Variants in ESRRB observed in about 807,000 individuals in gnomAD.
ESRRB encodes the protein steroid hormone receptor ERR2.
Under a neutral mutation model 46.0 loss-of-function variants are expected in ESRRB, and 16 were observed. That is an observed-to-expected ratio of 0.35 (90% CI 0.24 to 0.53). The LOEUF (loss-of-function observed/expected upper bound fraction) is 0.53. ESRRB is among the 20% of genes least tolerant of loss of function. The pLI is 0.93. For synonymous variants in ESRRB, 246 were observed against 259.6 expected, an observed-to-expected ratio of 0.95 and a Z score of 0.50; for missense variants, 488 against 607.4, an observed-to-expected ratio of 0.80 and a Z score of 2.07.
At chr14:76,379,795 C>G (rs12588179) in intron 1 of ESRRB, among the ~76,000 whole-genome samples, 26 of 149,886 alleles carry the variant, frequency 1.7e-4, no homozygotes, top group Non-Finnish European at 3.4e-4. Context: ...TTCCCCCAAC[C>G]CTTTTCATTT....
chr14:76,460,966 A>AC (rs2139987527), intron 2 of ESRRB, among the ~76,000 whole-genome samples: 2 of 152,044 alleles, frequency 1.3e-5, no homozygotes, highest in South Asian at 4.2e-4. Context: ...TCTGCCTCCC[A>AC]AAGTGCTGGA....
In ESRRB at chr14:76,417,944, CTTTT is replaced by C. The variant is rs869242837; in HGVS notation, c.51-21376_51-21373del. 4.4e-5 allele frequency among the ~76,000 whole-genome samples: 4 copies of C among 91,338 alleles called. No individual in the cohort carries two copies. The South Asian group carries it at 1.2e-3, about 28-fold the overall frequency. 59.9% of individuals were successfully genotyped at this position (91,338 alleles called of 152,430 possible). A position where few individuals can be genotyped will look rare whatever the true frequency, so the allele number is the denominator to read the frequency against. ...CAGAGCCAGGTGGGGCTTTTACATACTTTTTTTTTTTTTTTTTTTTTTTTGGTGG... is the reference window on the plus strand; with the variant it reads ...CAGAGCCAGGTGGGGCTTTTACATACTTTTTTTTTTTTTTTTTTTTGGTGG... On this transcript the variant is annotated intron_variant, in intron 1 of 6. Transcript: ENST00000644823.
chr14:76,477,159 A>G (rs1889616568), intron 3 of ESRRB, among the ~76,000 whole-genome samples: 1 of 152,206 alleles, frequency 6.6e-6, no homozygotes, highest in Admixed American at 6.5e-5. Context: ...ACCCCAGGCT[A>G]GGGGTGCACA....
At chr14:76,329,121 C>T (rs1022675918) in intron 1 of ESRRB, among the ~76,000 whole-genome samples, 3 of 152,092 alleles carry the variant, frequency 2.0e-5, no homozygotes, top group Admixed American at 6.5e-5. Context: ...ATTGGGTACC[C>T]GTTTGGCCAC....
Position 76,485,998 on chromosome 14 carries a change from G to T in ESRRB, c.850+3239G>T, listed in dbSNP as rs141066396. 3.8e-3 allele frequency among the ~76,000 whole-genome samples: 573 copies of T among 152,326 alleles called. 2 individuals are homozygous for T. Among genetic ancestry groups the T allele is most frequent in the African/African-American group, 0.013 (553 of 41,562 alleles). ...TTGGAACAAGGCTGACATCCAGGGG[G>T]AGCTTGGTTCACTCAGAATCCCAGC... On this transcript the variant is annotated intron_variant, in intron 5 of 6. Coordinates refer to ENST00000644823, the MANE Select transcript of ESRRB (RefSeq NM_001379180.1).
intron 1 of ESRRB, chr14:76,310,981 TCTCTCTCTCTC>T: frequency 8.3e-6 from 1 of 121,208 alleles, no homozygotes; most frequent in Non-Finnish European, 1.6e-5. Context: ...GTCCCCTTTC[TCTCTCTCTCTC>T]TCTCTCTCTC....
At chr14:76,318,253 A>C (rs1883825433) in intron 1 of ESRRB, among the ~76,000 whole-genome samples, 1 of 152,182 alleles carries the variant, frequency 6.6e-6, no homozygotes, top group Non-Finnish European at 1.5e-5. Flanking sequence ...GCAGAGTTGG[A>C]AGCGAGGAGC....
intron 1 of ESRRB, among the ~76,000 whole-genome samples, chr14:76,325,224 G>C (rs1883915311): frequency 6.6e-6 from 1 of 152,112 alleles, no homozygotes; most frequent in Non-Finnish European, 1.5e-5. Flanking sequence ...CCAAAGTGCT[G>C]GGATTACAGG....
At chr14:76,489,445 C>CCACACACACACA (rs56091857) in intron 5 of ESRRB, among the ~76,000 whole-genome samples, 30,098 of 129,328 alleles carry the variant, frequency 0.23, 3,856 homozygotes, top group Non-Finnish European at 0.25. Context: ...ATCTGGACAA[C>CCACACACACACA]CACACACACA....
intron 1 of ESRRB, among the ~76,000 whole-genome samples, chr14:76,428,516 G>C (rs759318096): frequency 9.2e-5 from 14 of 152,136 alleles, no homozygotes; most frequent in Non-Finnish European, 1.8e-4. Context: ...GCCAAGGCTA[G>C]GTGGACTAAA....
chr14:76,403,504 G>A lies in ESRRB; in HGVS notation c.50+27053G>A, dbSNP rs372942181. Among the ~76,000 whole-genome samples, 98 of 152,348 alleles carry A rather than the reference G, an allele frequency of 6.4e-4. 3 individuals are homozygous for A. In the South Asian group the frequency reaches 0.019, roughly 30 times the overall value. ...TGGGAGGAAGTATAATACTGTTAGG[G>A]AAGACAGACTTTGCATGAGGGTAAG... On this transcript the variant is annotated intron_variant, in intron 1 of 6. Coordinates refer to ENST00000644823, the MANE Select transcript of ESRRB (RefSeq NM_001379180.1).
intron 1 of ESRRB, among the ~76,000 whole-genome samples, chr14:76,319,402 A>G (rs1296360538): frequency 1.3e-5 from 2 of 152,160 alleles, no homozygotes. Flanking sequence ...CTTGGGGAAA[A>G]TTCCAAATCC....
chr14:76,320,404 A>G (rs1883853355), intron 1 of ESRRB, among the ~76,000 whole-genome samples: 1 of 152,190 alleles, frequency 6.6e-6, no homozygotes, highest in Non-Finnish European at 1.5e-5. Context: ...AAATCGGTAG[A>G]CCAGATGACC....
intron 1 of ESRRB, among the ~76,000 whole-genome samples, chr14:76,340,662 T>A (rs996379020): frequency 6.6e-6 from 1 of 152,232 alleles, no homozygotes; most frequent in Non-Finnish European, 1.5e-5. Flanking sequence ...ATTGAAGGAA[T>A]GAGGAGCAAT....
intron 1 of ESRRB, among the ~76,000 whole-genome samples, chr14:76,324,941 A>T (rs369976927): frequency 1.4e-5 from 2 of 145,556 alleles, no homozygotes; most frequent in Non-Finnish European, 1.5e-5. Context: ...ACAAAGCGGC[A>T]CTTTCTTTTC....
chr14:76,351,539 C>T (rs1884313032), intron 1 of ESRRB, among the ~76,000 whole-genome samples: 1 of 152,248 alleles, frequency 6.6e-6, no homozygotes, highest in South Asian at 2.1e-4. Flanking sequence ...CTCATCTTAA[C>T]TTGACATCTG....
In ESRRB at chr14:76,449,009, A is replaced by G. The variant is rs551798641; in HGVS notation, c.460+9259A>G. ...TTCTCTAGAGTTTTTTGAGTCATTT[A>G]ACAGTGTTTCAGTGTGCTGCCTTCA... On this transcript the variant is annotated intron_variant, in intron 2 of 6. Transcript: ENST00000644823. 2.6e-3 allele frequency among the ~76,000 whole-genome samples: 391 copies of G among 152,302 alleles called. 1 individual carries two copies. The highest frequency in any genetic ancestry group is 3.4e-3 in the Non-Finnish European group (233 of 68,008).
intron 3 of ESRRB, among the ~76,000 whole-genome samples, chr14:76,468,600 C>T (rs894414419): frequency 1.3e-5 from 2 of 152,060 alleles, no homozygotes; most frequent in African/African-American, 2.4e-5. Context: ...GATAACGGTA[C>T]GGTGGTCACG....
chr14:76,329,424 T>A (rs576127231), intron 1 of ESRRB, among the ~76,000 whole-genome samples: 9 of 152,208 alleles, frequency 5.9e-5, no homozygotes, highest in East Asian at 1.9e-4. Context: ...CTGGCCCAGC[T>A]GGAAACAGCT....
Sources: allele counts gnomAD v4.1 joint callset (sites outside exome capture counted in the v4.1 genomes callset), GRCh38; gene constraint gnomAD v4.1.1; transcripts MANE v1.5; gene names NCBI Gene and HGNC (gene_info 2026-07-23, HGNC 2026-07-21).